The following MTOR variants were observed in gnomAD, a reference collection of about 807,000 sequenced individuals.
The protein encoded by MTOR is serine/threonine-protein kinase mTOR.
MTOR carries 70 observed loss-of-function variants against 319.8 expected under a neutral mutation model. That is an observed-to-expected ratio of 0.22 (90% CI 0.18 to 0.27). MTOR has a LOEUF of 0.27. Ranked by LOEUF, MTOR falls within the 10% of genes least tolerant of loss-of-function variation. MTOR has a pLI of 1.00. For missense variants in MTOR, 1,890 were observed against 3,274.4 expected (o/e 0.58, Z 10.32); for synonymous variants, 1,183 against 1,211.4 (o/e 0.98, Z 0.49).
chr1:11,204,439 T>A, intron 26 of MTOR, 122 bp downstream of exon 26: 1 of 1,323,210 alleles, frequency 7.6e-7, no homozygotes, highest in Non-Finnish European at 1.0e-6. Flanking sequence ...TCTTTCTTTG[T>A]ATCCCACAAA....
rs1642807278 is a variant in MTOR at position 11,125,919 on chromosome 1, T to C, written c.6526+703A>G. Among the ~76,000 whole-genome samples, 4 of 150,870 alleles carry C rather than the reference T, an allele frequency of 2.7e-5. No homozygotes were observed. In the South Asian group the frequency reaches 8.4e-4, roughly 32 times the overall value. ...AGCTAGGTGTGGTGGTGCGTGCCTG[T>C]AATCCCAGCTACGCGGGAGGCTGAG... On this transcript the variant is annotated intron_variant, in intron 46 of 57. Transcript: ENST00000361445.
intron 28 of MTOR, among the ~76,000 whole-genome samples, chr1:11,193,098 C>T (rs1249476562): frequency 6.6e-6 from 1 of 152,034 alleles, no homozygotes; most frequent in African/African-American, 2.4e-5. Context: ...GGAACAATCA[C>T]CTGAGGTCAG....
At chr1:11,131,148 C>T (rs1643130977) in intron 38 of MTOR, 1 of 251,908 alleles carries the variant, frequency 4.0e-6, no homozygotes. Flanking sequence ...AAAGCTTTGT[C>T]AAGAAGAGGG....
chr1:11,251,242 G>A (rs1428319550), intron 6 of MTOR, among the ~76,000 whole-genome samples: 4 of 152,138 alleles, frequency 2.6e-5, no homozygotes, highest in Admixed American at 2.6e-4. Context: ...TGGTAGGGGA[G>A]CTGCTACTGC....
chr1:11,191,988 G>A (rs28990999), intron 28 of MTOR, among the ~76,000 whole-genome samples: 1 of 152,222 alleles, frequency 6.6e-6, no homozygotes, highest in African/African-American at 2.4e-5. Flanking sequence ...CCCAGCTATA[G>A]CAGAATAATT....
chr1:11,188,615 G>C (rs1379284154), intron 28 of MTOR, among the ~76,000 whole-genome samples: 1 of 152,158 alleles, frequency 6.6e-6, no homozygotes, highest in East Asian at 1.9e-4. Flanking sequence ...TTTCATCTCT[G>C]TTGTAATCTT....
At chr1:11,155,040 A>G (rs542954906) in intron 30 of MTOR, among the ~76,000 whole-genome samples, 1 of 152,212 alleles carries the variant, frequency 6.6e-6, no homozygotes, top group Non-Finnish European at 1.5e-5. Flanking sequence ...CTCAGCTACA[A>G]GGGAGGCTAA....
chr1:11,206,175 C>T (rs1264245777), intron 25 of MTOR, among the ~76,000 whole-genome samples: 1 of 152,216 alleles, frequency 6.6e-6, no homozygotes, highest in Non-Finnish European at 1.5e-5. Context: ...ACATCCAGTC[C>T]TTTCCTGCCC....
Position 11,256,984 on chromosome 1 carries a change from T to C in MTOR, c.453A>G (p.Arg151=). The C allele has an allele frequency of 6.2e-7, 1 of 1,614,088 alleles. No individual in the cohort carries two copies. ...TAEYVEFEVK[R]ALEWLGADRN... ...GGTCAGCACCCAGCCATTCCAGGGC[T>C]CGCTTCACCTCAAATTCCACGTACT... Residue 151 remains arginine, a synonymous_variant, in exon 4 of 58, where the codon CGA becomes CGG. Coordinates refer to ENST00000361445, the MANE Select transcript of MTOR (RefSeq NM_004958.4).
chr1:11,124,357 G>A, intron 47 of MTOR, 141 bp downstream of exon 47: 2 of 1,112,616 alleles, frequency 1.8e-6, no homozygotes, highest in East Asian at 2.6e-5. Context: ...GGAGTTTCTG[G>A]GACTACAGGC....
intron 8 of MTOR, among the ~76,000 whole-genome samples, chr1:11,246,594 G>C (rs1327217203): frequency 3.6e-5 from 3 of 84,506 alleles, no homozygotes; most frequent in African/African-American, 8.4e-5. Flanking sequence ...CATTTCTCCT[G>C]TGGTTTGTCT....
chr1:11,164,334 GAA>G (rs547043272), intron 29 of MTOR, among the ~76,000 whole-genome samples: 3,264 of 59,892 alleles, frequency 0.054, 90 homozygotes, highest in African/African-American at 0.13. Flanking sequence ...GACTCTGCCT[GAA>G]AAAAAAAAAA....
At chr1:11,217,117 T>A (rs548046942) in intron 19 of MTOR, among the ~76,000 whole-genome samples, 1 of 152,164 alleles carries the variant, frequency 6.6e-6, no homozygotes, top group African/African-American at 2.4e-5. Flanking sequence ...CTTAATTAAT[T>A]AACTATGTCT....
intron 28 of MTOR, among the ~76,000 whole-genome samples, chr1:11,170,339 A>C (rs80019857): frequency 0.019 from 2,834 of 151,064 alleles, 112 homozygotes; most frequent in African/African-American, 0.067. Flanking sequence ...AACTGTACTA[A>C]TAATATTACT....
At chr1:11,231,112 G>A (rs1647001285) in intron 17 of MTOR, 58 bp from the exon 18 acceptor site, 1 of 1,612,364 alleles carries the variant, frequency 6.2e-7, no homozygotes, top group Non-Finnish European at 8.5e-7. Context: ...ATTACAACAA[G>A]TATCACGGAT....
intron 3 of MTOR, among the ~76,000 whole-genome samples, chr1:11,257,604 A>T (rs11121711): frequency 0.61 from 89,575 of 146,980 alleles, 30,404 homozygotes; most frequent in East Asian, 0.87. Flanking sequence ...TGGCGAGTGA[A>T]CCCTCCATTC....
intron 25 of MTOR, among the ~76,000 whole-genome samples, chr1:11,205,126 T>C (rs1340389160): frequency 6.6e-6 from 1 of 152,222 alleles, no homozygotes; most frequent in Non-Finnish European, 1.5e-5. Flanking sequence ...TAGTGAATCA[T>C]GTTGCAACCA....
chr1:11,169,021 T>C (rs1644730712), intron 28 of MTOR, among the ~76,000 whole-genome samples: 1 of 152,260 alleles, frequency 6.6e-6, no homozygotes, highest in South Asian at 2.1e-4. Flanking sequence ...TCCAGTTTAC[T>C]GCTTTGAGTA....
chr1:11,226,137 C>A (rs756142457), intron 19 of MTOR: 2 of 152,128 alleles, frequency 1.3e-5, no homozygotes, highest in South Asian at 4.1e-4. Flanking sequence ...ATATTTAACA[C>A]ATTAAAAGAG....
Sources: gnomAD v4.1 joint callset for allele counts (sites outside exome capture counted in the v4.1 genomes callset) on GRCh38, gnomAD v4.1.1 for gene constraint, MANE v1.5 for transcripts, NCBI Gene and HGNC (gene_info 2026-07-23, HGNC 2026-07-21) for gene names.